The following MALRD1 variants were observed in gnomAD, a reference collection of about 807,000 sequenced individuals.
The protein encoded by MALRD1 is MAM and LDL receptor class A domain containing 1, also known as MAM and LDL-receptor class A domain-containing protein 1.
In MALRD1, 247 loss-of-function variants were observed where a neutral mutation model predicts 242.1. The ratio of observed to expected loss-of-function variants is 1.02; its 90% CI spans 0.92 to 1.13. The LOEUF (loss-of-function observed/expected upper bound fraction) is 1.13, where lower values mean the gene tolerates loss of function less well. Among genes scored for constraint, MALRD1 ranks in the 50% most tolerant of loss-of-function variants. MALRD1 has a pLI of 0.00. For missense variants in MALRD1, 2,989 were observed against 2,533.1 expected (o/e 1.18, Z -3.86); for synonymous variants, 995 against 866.6 (o/e 1.15, Z -2.60).
chr10:19,251,537 T>C (rs1839292211), intron 18 of MALRD1, among the ~76,000 whole-genome samples: 1 of 151,966 alleles, frequency 6.6e-6, no homozygotes, highest in African/African-American at 2.4e-5. Flanking sequence ...TGTTGCTTTT[T>C]CCTGTCTTTC....
chr10:19,477,379 G>A (rs1836786371), intron 29 of MALRD1, among the ~76,000 whole-genome samples: 1 of 152,066 alleles, frequency 6.6e-6, no homozygotes, highest in Non-Finnish European at 1.5e-5. Flanking sequence ...TTACTTGGGG[G>A]ATTTTACAAA....
rs187241092 is a variant in MALRD1 at position 19,599,940 on chromosome 10, C to T, written c.5944+4483C>T. On this transcript the variant is annotated intron_variant, in intron 34 of 39. Transcript: ENST00000454679. ...AGACTAAAAGGCTTATTAATGTATCCTTATCATCCAGCCTTCCAGGGCCCA... is the reference window on the plus strand; with the variant it reads ...AGACTAAAAGGCTTATTAATGTATCTTTATCATCCAGCCTTCCAGGGCCCA... 2.2e-3 allele frequency among the ~76,000 whole-genome samples: 329 copies of T among 152,238 alleles called. 1 individual carries two copies. Among genetic ancestry groups the T allele is most frequent in the African/African-American group, 7.4e-3 (306 of 41,546 alleles).
At chr10:19,262,093 A>T (rs964812247) in intron 19 of MALRD1, among the ~76,000 whole-genome samples, 1 of 152,080 alleles carries the variant, frequency 6.6e-6, no homozygotes, top group South Asian at 2.1e-4. Flanking sequence ...CGTCTCTCTC[A>T]TATTCTGAGC....
At chr10:19,503,668 C>T (rs1017029220) in intron 31 of MALRD1, among the ~76,000 whole-genome samples, 5 of 152,108 alleles carry the variant, frequency 3.3e-5, no homozygotes, top group Non-Finnish European at 7.4e-5. Flanking sequence ...ATGATATAAT[C>T]GGCCATCTCC....
chr10:19,441,262 T>G (rs890557659), intron 28 of MALRD1, among the ~76,000 whole-genome samples: 3 of 152,202 alleles, frequency 2.0e-5, no homozygotes, highest in Non-Finnish European at 4.4e-5. Flanking sequence ...ATGGGTAGAT[T>G]GTAAAAATTT....
Position 19,318,363 on chromosome 10 carries a change from C to CT in MALRD1, c.3420-5576dup, listed in dbSNP as rs754746860. 3.8e-3 allele frequency among the ~76,000 whole-genome samples: 566 copies of CT among 148,292 alleles called. 1 individual carries two copies. The highest frequency in any genetic ancestry group is 0.012 in the African/African-American group (489 of 40,606). ...TCAAATTGATCTCCTGACATATCTC[C>CT]TTTTTTTTTTCTTTTCCCTGCAGGT... On this transcript the variant is annotated intron_variant, in intron 21 of 39. Coordinates refer to ENST00000454679, the MANE Select transcript of MALRD1 (RefSeq NM_001142308.3).
At chr10:19,472,720 T>C (rs1564371365) in intron 29 of MALRD1, among the ~76,000 whole-genome samples, 2 of 152,048 alleles carry the variant, frequency 1.3e-5, no homozygotes, top group East Asian at 3.9e-4. Context: ...ATATGATCCT[T>C]TGTATCTCTG....
At chr10:19,375,041 C>T (rs578052129) in intron 26 of MALRD1, among the ~76,000 whole-genome samples, 99 of 152,132 alleles carry the variant, frequency 6.5e-4, no homozygotes, top group African/African-American at 2.3e-3. Context: ...TGCTATGGCC[C>T]TGCACTTTTT....
chr10:19,432,153 G>A (rs1397266781), intron 28 of MALRD1, among the ~76,000 whole-genome samples: 1 of 152,174 alleles, frequency 6.6e-6, no homozygotes, highest in Non-Finnish European at 1.5e-5. Context: ...CCTGGCATGA[G>A]TCATTCTGAA....
At chr10:19,212,000 T>C (rs982569127) in intron 18 of MALRD1, among the ~76,000 whole-genome samples, 1 of 152,214 alleles carries the variant, frequency 6.6e-6, no homozygotes, top group Non-Finnish European at 1.5e-5. Context: ...GTTTACTTGT[T>C]AATGTCAGTT....
intron 33 of MALRD1, among the ~76,000 whole-genome samples, chr10:19,573,549 A>G (rs1305854553): frequency 2.6e-5 from 4 of 152,070 alleles, no homozygotes; most frequent in Admixed American, 6.6e-5. Context: ...TCCCAGAACA[A>G]TCATTAAACT....
chr10:19,446,177 C>A (rs1165441590), intron 28 of MALRD1, among the ~76,000 whole-genome samples: 1 of 90,470 alleles, frequency 1.1e-5, no homozygotes, highest in African/African-American at 3.7e-5. Context: ...TTTCCATGTA[C>A]CGTCTGTCAT....
At chr10:19,454,718 A>ACACACACACACG (rs1554775423) in intron 29 of MALRD1, among the ~76,000 whole-genome samples, 7 of 104,800 alleles carry the variant, frequency 6.7e-5, no homozygotes, top group African/African-American at 1.5e-4. Context: ...ACACGTACAC[A>ACACACACACACG]CACACACACA....
chr10:19,283,875 G>A lies in MALRD1; in HGVS notation c.3419+694G>A, dbSNP rs113089467. Among the ~76,000 whole-genome samples, 522 of 152,246 alleles carry A rather than the reference G, an allele frequency of 3.4e-3. 3 individuals carry two copies. The highest frequency in any genetic ancestry group is 0.012 in the African/African-American group (489 of 41,546). ...AGTGCCTACTGTGTGAGAACGCTGCGGTAGGCACTAGAAATAAACGAGTGA... is the reference window on the plus strand; with the variant it reads ...AGTGCCTACTGTGTGAGAACGCTGCAGTAGGCACTAGAAATAAACGAGTGA... On this transcript the variant is annotated intron_variant, in intron 21 of 39. Coordinates refer to ENST00000454679, the MANE Select transcript of MALRD1 (RefSeq NM_001142308.3).
chr10:19,584,880 C>A (rs1322278409), intron 33 of MALRD1, among the ~76,000 whole-genome samples: 2 of 151,542 alleles, frequency 1.3e-5, no homozygotes, highest in East Asian at 1.9e-4. Flanking sequence ...GTAGGTCACT[C>A]AGGACTTGCT....
At chr10:19,358,322 C>T (rs965971495) in intron 26 of MALRD1, among the ~76,000 whole-genome samples, 3 of 151,328 alleles carry the variant, frequency 2.0e-5, no homozygotes, top group Admixed American at 6.6e-5. Context: ...CTTTAAAAAA[C>T]GTATGTAAAA....
chr10:19,645,108 T>C (rs533495523), intron 36 of MALRD1, among the ~76,000 whole-genome samples: 70 of 152,320 alleles, frequency 4.6e-4, no homozygotes, highest in South Asian at 2.3e-3. Flanking sequence ...AAATCTTAGA[T>C]GTGACCTCTG....
intron 36 of MALRD1, among the ~76,000 whole-genome samples, chr10:19,629,886 G>A (rs1037816050): frequency 6.6e-6 from 1 of 152,176 alleles, no homozygotes; most frequent in Non-Finnish European, 1.5e-5. Flanking sequence ...TGTCAGAGTA[G>A]AAGCTTTTGT....
intron 14 of MALRD1, among the ~76,000 whole-genome samples, chr10:19,175,728 A>T (rs12354920): frequency 0.081 from 12,309 of 151,976 alleles, 581 homozygotes; most frequent in Non-Finnish European, 0.11. Context: ...GGAGTTCAAA[A>T]AAAGCAAAAA....
Sources: gnomAD v4.1 joint callset for allele counts (sites outside exome capture counted in the v4.1 genomes callset) on GRCh38, gnomAD v4.1.1 for gene constraint, MANE v1.5 for transcripts, NCBI Gene and HGNC (gene_info 2026-07-23, HGNC 2026-07-21) for gene names.